The following ATXN3 variants were observed in gnomAD, a reference collection of about 807,000 sequenced individuals.
The protein encoded by ATXN3 is ataxin 3.
A neutral mutation model predicts 58.2 loss-of-function variants in ATXN3; 28 were observed. The ratio of observed to expected loss-of-function variants is 0.48; its 90% CI spans 0.36 to 0.66. The LOEUF (loss-of-function observed/expected upper bound fraction) is 0.66. ATXN3 is among the 30% of genes least tolerant of loss of function. The pLI, the probability that ATXN3 is intolerant of heterozygous loss-of-function variation, is 0.00. For synonymous variants in ATXN3, 113 were observed against 138.5 expected (o/e 0.82, Z 1.29); for missense variants, 321 against 422.1 (o/e 0.76, Z 2.10).
At chr14:92,100,964 T>A (rs538473764) in intron 1 of ATXN3, among the ~76,000 whole-genome samples, 1 of 152,300 alleles carries the variant, frequency 6.6e-6, no homozygotes. Flanking sequence ...CAAACTATGG[T>A]CACCATACTT....
rs769251508 is a variant in ATXN3 at position 92,070,840 on chromosome 14, GA to G, written c.991+94del. ...AAGATTCTTAATATGATTAAAGAGG[GA>G]ATGAAGAATAATGTAAAGCAAAAAT... On this transcript the variant is annotated intron_variant, in intron 10 of 10. Transcript: ENST00000644486. The G allele has an allele frequency of 2.5e-6, 4 of 1,608,862 alleles. No individual in the cohort carries two copies. In the Admixed American group the frequency reaches 6.7e-5, roughly 27 times the overall value.
At chr14:92,101,582 G>T (rs940561300) in intron 1 of ATXN3, among the ~76,000 whole-genome samples, 4 of 152,214 alleles carry the variant, frequency 2.6e-5, no homozygotes, top group Non-Finnish European at 5.9e-5. Context: ...ATTTGGCTGG[G>T]CATGGTGGCT....
At chr14:92,090,214 C>T (rs990324226) in intron 5 of ATXN3, among the ~76,000 whole-genome samples, 6 of 152,086 alleles carry the variant, frequency 3.9e-5, no homozygotes, top group African/African-American at 1.2e-4. Context: ...GTGATTCTCT[C>T]GCTTCATCCT....
chr14:92,067,209 T>G (rs1240354795), intron 10 of ATXN3, among the ~76,000 whole-genome samples: 1 of 152,228 alleles, frequency 6.6e-6, no homozygotes, highest in Non-Finnish European at 1.5e-5. Flanking sequence ...GATCTTCATT[T>G]TTTGTCTGCA....
chr14:92,076,480 T>G (rs55691521), intron 9 of ATXN3, among the ~76,000 whole-genome samples: 2,706 of 149,680 alleles, frequency 0.018, 53 homozygotes, highest in South Asian at 0.08. Flanking sequence ...AAAAGCTCAA[T>G]TTGTTGGAAG....
At chr14:92,084,556 T>A (rs972666435) in intron 6 of ATXN3, among the ~76,000 whole-genome samples, 2 of 150,136 alleles carry the variant, frequency 1.3e-5, no homozygotes, top group African/African-American at 5.0e-5. Flanking sequence ...CTAACTGATT[T>A]AAGTTTCTCT....
At chr14:92,094,715 C>A (rs2064758836) in intron 3 of ATXN3, among the ~76,000 whole-genome samples, 1 of 152,150 alleles carries the variant, frequency 6.6e-6, no homozygotes, top group Non-Finnish European at 1.5e-5. Flanking sequence ...AGCAAGTGAG[C>A]CAGGTACCAG....
intron 6 of ATXN3, among the ~76,000 whole-genome samples, chr14:92,085,208 TGA>T (rs1368976908): frequency 6.6e-6 from 1 of 151,368 alleles, no homozygotes; most frequent in Non-Finnish European, 1.5e-5. Flanking sequence ...AATTTTTTTT[TGA>T]GAGTCTCGTT....
At position 92,083,252 on chromosome 14, in the gene ATXN3, G is replaced by C. The variant is rs200118135; in HGVS notation, c.482C>G (p.Ser161Cys). ...FLAQLQQEGY[S>C]IFVVKGDLPD... ...CAGATCACCCTTAACGACAAATATA[G>C]AATAACCTAAAAAAAAAAGGCAAAA... The change falls in exon 7 of 11, where the codon TCT (serine) becomes TGT (cysteine). Residue 161 changes from serine to cysteine, a missense_variant. By Grantham distance (112) the Ser-to-Cys change is moderately radical (BLOSUM62 -1). Transcript: ENST00000644486. The C allele has an allele frequency of 3.1e-4, 496 of 1,594,268 alleles. 3 individuals carry two copies. Among genetic ancestry groups the C allele is most frequent in the Non-Finnish European group, 8.3e-5 (98 of 1,174,972 alleles).
In ATXN3 at chr14:92,093,627, A is replaced by G. The variant is rs1428848899; in HGVS notation, c.320+119T>C. The G allele has an allele frequency of 3.7e-6, 3 of 812,820 alleles. 1 individual carries two copies. In the East Asian group the frequency reaches 8.0e-5, roughly 22 times the overall value. 50.4% of individuals were successfully genotyped at this position (812,820 alleles called of 1,614,324 possible). On this transcript the variant is annotated intron_variant, in intron 4 of 10. Transcript: ENST00000644486. ...AGGTGAAATAGGAAAGTCTGAGTGAATGAAACAGGGAACATCAAAACAAAA... is the reference window on the plus strand; with the variant it reads ...AGGTGAAATAGGAAAGTCTGAGTGAGTGAAACAGGGAACATCAAAACAAAA...
At chr14:92,095,600 T>G (rs2065026090) in intron 3 of ATXN3, among the ~76,000 whole-genome samples, 1 of 151,934 alleles carries the variant, frequency 6.6e-6, no homozygotes, top group African/African-American at 2.4e-5. Context: ...AGAAGGAATT[T>G]TTAAATGCCC....
chr14:92,093,362 A>G lies in ATXN3; in HGVS notation c.321-44T>C, dbSNP rs764436490. 1.1e-5 allele frequency: 11 copies of G among 991,126 alleles called. No individual in the cohort carries two copies. In the South Asian group the frequency reaches 1.4e-4, roughly 13 times the overall value. 61.4% of individuals were successfully genotyped at this position (991,126 alleles called of 1,614,324 possible). On this transcript the variant is annotated intron_variant, in intron 4 of 10. Transcript: ENST00000644486. ...AATATTAACTTGAAATATTGAATTCATATTTATGTTGTCTACTGGCAAATA... is the reference window on the plus strand; with the variant it reads ...AATATTAACTTGAAATATTGAATTCGTATTTATGTTGTCTACTGGCAAATA...
rs55980965 is a variant in ATXN3, at chr14:92,104,228, C to T, written c.24+2301G>A. On this transcript the variant is annotated intron_variant, in intron 1 of 10. Transcript: ENST00000644486. ...CGGTCTCGGCTCACTGCAACCTCTG[C>T]CTCTCGGGTTCAAGCAATTCTCCTG... Among the ~76,000 whole-genome samples, 649 of 152,274 alleles carry T rather than the reference C, an allele frequency of 4.3e-3. 3 individuals are homozygous for T. Among genetic ancestry groups the T allele is most frequent in the African/African-American group, 0.015 (605 of 41,574 alleles).
upstream of ATXN3, among the ~76,000 whole-genome samples, chr14:92,050,861 G>A (rs1296240728): frequency 6.6e-6 from 1 of 152,146 alleles, no homozygotes; most frequent in Non-Finnish European, 1.5e-5. Flanking sequence ...TGAGCCATCG[G>A]CCTTGGCCTC....
chr14:92,096,988 A>G, intron 1 of ATXN3, 150 bp from the exon 2 acceptor site: 1 of 637,802 alleles, frequency 1.6e-6, no homozygotes. Flanking sequence ...GCTCACTGCA[A>G]GCTCCGCCAC....
chr14:92,076,408 A>G (rs1423259581), intron 9 of ATXN3, among the ~76,000 whole-genome samples: 1 of 149,646 alleles, frequency 6.7e-6, no homozygotes, highest in Admixed American at 6.7e-5. Context: ...AGATCGCGCC[A>G]CTGCACTCCA....
chr14:92,075,442 CA>C (rs1203058887), intron 9 of ATXN3, among the ~76,000 whole-genome samples: 1 of 152,170 alleles, frequency 6.6e-6, no homozygotes, highest in Non-Finnish European at 1.5e-5. Flanking sequence ...GCTGGGATTA[CA>C]AGCGTGAGCC....
At chr14:92,054,612 G>C (rs899048732), downstream of ATXN3, among the ~76,000 whole-genome samples, 1 of 152,204 alleles carries the variant, frequency 6.6e-6, no homozygotes, top group African/African-American at 2.4e-5. Flanking sequence ...AGCCCTCAGG[G>C]CTGCTCTGTC....
At chr14:92,089,223 T>G (rs1474239985) in intron 5 of ATXN3, among the ~76,000 whole-genome samples, 22 of 151,580 alleles carry the variant, frequency 1.5e-4, no homozygotes. Flanking sequence ...TTTGCCACAT[T>G]GGCCAGGCTG....
Sources: allele counts gnomAD v4.1 joint callset (sites outside exome capture counted in the v4.1 genomes callset), GRCh38; gene constraint gnomAD v4.1.1; transcripts MANE v1.5; gene names NCBI Gene and HGNC (gene_info 2026-07-23, HGNC 2026-07-21).